The following ITIH5 variants were observed in gnomAD, a reference collection of about 807,000 sequenced individuals.
The protein encoded by ITIH5 is inter-alpha-trypsin inhibitor heavy chain H5.
Under a neutral mutation model 77.5 loss-of-function variants are expected in ITIH5, and 65 were observed. The observed-to-expected ratio is 0.84, with a 90% CI of 0.69 to 1.03. The LOEUF (loss-of-function observed/expected upper bound fraction) is 1.03, where lower values mean the gene tolerates loss of function less well. ITIH5 is among the 50% of genes least tolerant of loss of function. The pLI is 0.00. For missense variants in ITIH5, 1,208 were observed against 1,213.1 expected, an observed-to-expected ratio of 1.00 and a Z score of 0.06; for synonymous variants, 525 against 494.3, an observed-to-expected ratio of 1.06 and a Z score of -0.82.
intron 6 of ITIH5, 140 bp from the exon 7 acceptor site, chr10:7,616,238 T>G: frequency 1.6e-6 from 1 of 611,310 alleles, no homozygotes; most frequent in Non-Finnish European, 3.0e-6. Context: ...GGAGTAAAAT[T>G]ATCTAAGGCC....
chr10:7,631,944 G>A (rs1833720007), intron 5 of ITIH5, among the ~76,000 whole-genome samples: 1 of 148,480 alleles, frequency 6.7e-6, no homozygotes, highest in Non-Finnish European at 1.5e-5. Context: ...GGGCCACCAC[G>A]CCTAGCTAAT....
At chr10:7,571,400 T>G (rs1832294994) in intron 11 of ITIH5, 2 of 152,134 alleles carry the variant, frequency 1.3e-5, no homozygotes, top group South Asian at 4.2e-4. Context: ...ATACACTTTA[T>G]TTTTAATTTA....
In ITIH5 at chr10:7,579,577, G is replaced by A. The variant is rs144140078; in HGVS notation, c.1418+178C>T. On this transcript the variant is annotated intron_variant, in intron 9 of 13. Coordinates refer to ENST00000397146, the MANE Select transcript of ITIH5 (RefSeq NM_030569.7). The stretch of plus-strand genomic sequence containing the variant: ...AAGTCATAAAGGAGGATCAGAATTC[G>A]AACTCTGATCTGCCTAGTTTCAAAA... Among the ~76,000 whole-genome samples, 119 of 151,766 alleles carry A rather than the reference G, an allele frequency of 7.8e-4. 1 individual carries two copies. In the South Asian group the frequency reaches 8.3e-3, roughly 11 times the overall value.
At chr10:7,574,790 C>T (rs1406496399) in intron 10 of ITIH5, among the ~76,000 whole-genome samples, 12 of 69,018 alleles carry the variant, frequency 1.7e-4, no homozygotes, top group Non-Finnish European at 8.1e-5. Context: ...GAGACTCCAT[C>T]TCGGAAAAAA....
chr10:7,658,407 T>G (rs192486417), intron 1 of ITIH5, among the ~76,000 whole-genome samples: 118 of 152,336 alleles, frequency 7.7e-4, no homozygotes, highest in African/African-American at 2.7e-3. Context: ...GGATTTAGGC[T>G]GACATCCACC....
At chr10:7,611,080 C>T (rs943663021) in intron 7 of ITIH5, among the ~76,000 whole-genome samples, 2 of 152,238 alleles carry the variant, frequency 1.3e-5, no homozygotes, top group African/African-American at 4.8e-5. Context: ...CTTCTGCCAG[C>T]TGCATACATG....
chr10:7,616,287 T>C (rs1342887624), intron 6 of ITIH5, among the ~76,000 whole-genome samples, 189 bp from the exon 7 acceptor site: 2 of 152,188 alleles, frequency 1.3e-5, no homozygotes, highest in Non-Finnish European at 2.9e-5. Context: ...ATTTAATCTG[T>C]ATAAGGGTAG....
intron 7 of ITIH5, among the ~76,000 whole-genome samples, chr10:7,589,498 CA>C (rs1483445433): frequency 1.3e-5 from 2 of 152,054 alleles, no homozygotes; most frequent in African/African-American, 4.8e-5. Flanking sequence ...TGCACCTGCC[CA>C]GGGACAAGAA....
intron 8 of ITIH5, among the ~76,000 whole-genome samples, chr10:7,582,379 C>A (rs2130969439): frequency 6.6e-6 from 1 of 152,266 alleles, no homozygotes; most frequent in Middle Eastern, 3.4e-3. Context: ...AAGAATTCCA[C>A]TGGACTAAGC....
chr10:7,611,102 G>A (rs1537628), intron 7 of ITIH5, among the ~76,000 whole-genome samples: 37,073 of 152,122 alleles, frequency 0.24, 4,690 homozygotes, highest in African/African-American at 0.29. Context: ...GTGCCTTCTT[G>A]CCGCAACCAC....
intron 2 of ITIH5, among the ~76,000 whole-genome samples, chr10:7,653,193 ATCTGACAT>A: frequency 6.6e-6 from 1 of 152,286 alleles, no homozygotes; most frequent in Admixed American, 6.5e-5. Context: ...TCAAAAATTA[ATCTGACAT>A]CTATCAAAAA....
Position 7,605,654 on chromosome 10 carries a change from G to A in ITIH5, c.939+10328C>T, listed in dbSNP as rs12258160. On this transcript the variant is annotated intron_variant, in intron 7 of 13. Transcript: ENST00000397146. ...GGTGTCCCGAACCCAAGAAGTGGGG[G>A]GCTGTGCTATCAGGCAATGCCAGCG... is the stretch of plus-strand genomic sequence containing the variant. Among the ~76,000 whole-genome samples, 361 of 152,134 alleles carry A rather than the reference G, an allele frequency of 2.4e-3. 3 individuals carry two copies. Among genetic ancestry groups the A allele is most frequent in the African/African-American group, 6.6e-3 (275 of 41,494 alleles).
At chr10:7,623,221 G>A (rs1270265298) in intron 5 of ITIH5, among the ~76,000 whole-genome samples, 2 of 152,174 alleles carry the variant, frequency 1.3e-5, no homozygotes, top group Non-Finnish European at 2.9e-5. Flanking sequence ...TGCTGTCGGA[G>A]AAAAGCAGCC....
At chr10:7,578,139 C>A (rs1257550930) in intron 9 of ITIH5, among the ~76,000 whole-genome samples, 8 of 152,168 alleles carry the variant, frequency 5.3e-5, no homozygotes, top group Non-Finnish European at 1.0e-4. Context: ...GGAAGCAGAG[C>A]AATAAAACAG....
At chr10:7,643,019 G>A (rs1364239243) in intron 2 of ITIH5, among the ~76,000 whole-genome samples, 1 of 152,152 alleles carries the variant, frequency 6.6e-6, no homozygotes, top group Non-Finnish European at 1.5e-5. Context: ...AGTGCCTTTG[G>A]GAGAAATTGA....
rs199861557 is a variant in ITIH5 at position 7,576,460 on chromosome 10, C to T, written c.1971G>A (p.Thr657=). The change falls in exon 10 of 14, where the codon ACG becomes ACA. Residue 657 remains threonine, a synonymous_variant. Coordinates refer to ENST00000397146, the MANE Select transcript of ITIH5 (RefSeq NM_030569.7). ...PVVQSVRGAG[T]QPGPLLKKPY... ...GGCACAGGTGCCTCGTACCTGGCTG[C>T]GTGCCAGCTCCTCGCACGCTCTGCA... 2.3e-5 allele frequency: 37 copies of T among 1,585,042 alleles called. No homozygotes were observed. Among genetic ancestry groups the T allele is most frequent in the Admixed American group, 1.7e-5 (1 of 58,322 alleles).
intron 2 of ITIH5, among the ~76,000 whole-genome samples, chr10:7,644,752 C>CAT (rs1173265073): frequency 6.3e-4 from 76 of 121,108 alleles, no homozygotes; most frequent in Non-Finnish European, 1.0e-3. Flanking sequence ...ATATATATCA[C>CAT]ATATATCACA....
Position 7,576,620 on chromosome 10 carries a change from C to G in ITIH5, c.1811G>C (p.Arg604Pro), listed in dbSNP as rs189789587. The change falls in exon 10 of 14, where the codon CGG becomes CCG. Residue 604 changes from arginine to proline, a missense_variant. Coordinates refer to ENST00000397146, the MANE Select transcript of ITIH5 (RefSeq NM_030569.7). ...GTAGCTCACAGCCAGGGCCTGGGCCCGCTGCCGCAGCCGCTCCTTCTCCGG... is the reference window on the plus strand; with the variant it reads ...GTAGCTCACAGCCAGGGCCTGGGCCGGCTGCCGCAGCCGCTCCTTCTCCGG... ...DEPEKERLRQRAQALAVSYRF... is the reference protein window; with the variant it reads ...DEPEKERLRQPAQALAVSYRF... 2 of 1,613,942 alleles carry G rather than the reference C, an allele frequency of 1.2e-6. No individual in the cohort carries two copies. The highest frequency in any genetic ancestry group is 3.3e-5 in the Admixed American group (2 of 60,008).
intron 1 of ITIH5, among the ~76,000 whole-genome samples, chr10:7,655,978 G>A (rs1158410379): frequency 6.6e-6 from 1 of 152,186 alleles, no homozygotes; most frequent in African/African-American, 2.4e-5. Flanking sequence ...AGAACAAAAA[G>A]ATAGAGTATT....
Sources: gnomAD v4.1 joint callset for allele counts (sites outside exome capture counted in the v4.1 genomes callset) on GRCh38, gnomAD v4.1.1 for gene constraint, MANE v1.5 for transcripts, NCBI Gene and HGNC (gene_info 2026-07-23, HGNC 2026-07-21) for gene names.